Variants in C4orf51 observed in about 807,000 individuals in gnomAD.
C4orf51 encodes the protein chromosome 4 open reading frame 51, also known as uncharacterized protein C4orf51.
In C4orf51, 25 loss-of-function variants were observed where a neutral mutation model predicts 25.2. That is an observed-to-expected ratio of 0.99 (90% CI 0.72 to 1.39). The LOEUF (loss-of-function observed/expected upper bound fraction) is 1.39, where lower values mean the gene tolerates loss of function less well. Ranked by LOEUF, C4orf51 falls within the 40% of genes most tolerant of loss-of-function variation. C4orf51 has a pLI of 0.00. For missense variants in C4orf51, 252 were observed against 239.6 expected (o/e 1.05, Z -0.34); for synonymous variants, 100 against 84.5 (o/e 1.18, Z -1.01).
chr4:145,772,786 G>A (rs557217709), downstream of C4orf51, among the ~76,000 whole-genome samples: 1 of 152,336 alleles, frequency 6.6e-6, no homozygotes, highest in East Asian at 1.9e-4. Flanking sequence ...TCACTCTTGG[G>A]TGACTGTACT....
chr4:145,778,197 G>A, the C4orf51 span, among the ~76,000 whole-genome samples: 3 of 152,056 alleles, frequency 2.0e-5, no homozygotes, highest in Non-Finnish European at 4.4e-5. Context: ...GCAGTGGCAC[G>A]ATCTTGGCTC....
intron 1 of C4orf51, chr4:145,760,724 T>G: frequency 1.0e-6 from 1 of 954,004 alleles, no homozygotes; most frequent in Non-Finnish European, 1.3e-6. Flanking sequence ...TTTGTGGTTT[T>G]TTTTTTTTTT....
chr4:145,713,398 G>A (rs531387762), intron 2 of C4orf51, among the ~76,000 whole-genome samples: 8 of 152,146 alleles, frequency 5.3e-5, no homozygotes, highest in Admixed American at 2.6e-4. Context: ...GAAAATTAAC[G>A]GGAGTTTGGA....
chr4:145,741,836 A>G (rs1007996992), intron 1 of C4orf51, among the ~76,000 whole-genome samples: 2 of 151,974 alleles, frequency 1.3e-5, no homozygotes, highest in African/African-American at 2.4e-5. Flanking sequence ...AGCTGGGATT[A>G]CAGGCGCCTG....
chr4:145,751,725 T>G (rs1237791460), intron 1 of C4orf51, among the ~76,000 whole-genome samples: 1 of 152,188 alleles, frequency 6.6e-6, no homozygotes, highest in Non-Finnish European at 1.5e-5. Context: ...TCCTTTCAGG[T>G]CAGTGAGTTC....
Position 145,761,216 on chromosome 4 carries a change from G to C in C4orf51, n.167-9772G>C. 1 of 1,289,838 alleles carries C rather than the reference G, an allele frequency of 7.8e-7. No individual in the cohort carries two copies. Among genetic ancestry groups the C allele is most frequent in the African/African-American group, 1.5e-5 (1 of 65,996 alleles). The allele number at this position is 1,289,838 out of a possible 1,614,324, so 79.9% of individuals were successfully genotyped here. A position where few individuals can be genotyped will look rare whatever the true frequency, so the allele number is the denominator to read the frequency against. Reference sequence around the variant, plus strand: ...CCACTCTGGTGCTTCTTGACGTGGCGGCTGAAGACGAAAGGGTGTGTGGTC... The same window carrying C: ...CCACTCTGGTGCTTCTTGACGTGGCCGCTGAAGACGAAAGGGTGTGTGGTC... On this transcript the variant is annotated intron_variant and non_coding_transcript_variant, in intron 1 of 1. Coordinates refer to the C4orf51 transcript ENST00000510096. This position sits in a 1 kb window ranked among gnomAD's most constrained non-coding sequence, Gnocchi z 6.8.
At chr4:145,696,672 G>T in intron 2 of C4orf51, 40 bp downstream of exon 2, 1 of 1,450,912 alleles carries the variant, frequency 6.9e-7, no homozygotes, top group East Asian at 2.3e-5. Context: ...CAGCCCTTTT[G>T]CCAGGGTTGC....
intron 2 of C4orf51, among the ~76,000 whole-genome samples, chr4:145,700,108 G>A (rs530247091): frequency 1.1e-3 from 125 of 117,430 alleles, no homozygotes; most frequent in Non-Finnish European, 1.7e-3. Context: ...CCTTATTTCC[G>A]CACCCCAACC....
chr4:145,755,153 G>C (rs759101432), downstream of C4orf51, among the ~76,000 whole-genome samples: 1 of 152,168 alleles, frequency 6.6e-6, no homozygotes, highest in Non-Finnish European at 1.5e-5. Flanking sequence ...TAGAATCATA[G>C]TTGATTATAT....
At chr4:145,687,250 C>T (rs527925325) in intron 1 of C4orf51, among the ~76,000 whole-genome samples, 1 of 152,164 alleles carries the variant, frequency 6.6e-6, no homozygotes, top group African/African-American at 2.4e-5. Context: ...GAAGTTCCCT[C>T]CCCTCTTTGA....
intron 2 of C4orf51, among the ~76,000 whole-genome samples, chr4:145,702,473 C>G (rs1296479983): frequency 6.6e-6 from 1 of 152,160 alleles, no homozygotes; most frequent in Non-Finnish European, 1.5e-5. Flanking sequence ...CAGACAGCCC[C>G]CATTACTTCA....
intron 2 of C4orf51, among the ~76,000 whole-genome samples, chr4:145,722,351 A>G (rs1409582265): frequency 6.6e-6 from 1 of 152,206 alleles, no homozygotes; most frequent in Non-Finnish European, 1.5e-5. Context: ...AGTATATCCT[A>G]AATACTTCTG....
the C4orf51 span, among the ~76,000 whole-genome samples, chr4:145,779,680 C>T: frequency 1.3e-5 from 2 of 152,196 alleles, no homozygotes; most frequent in Non-Finnish European, 2.9e-5. Context: ...CTAAGAAGGC[C>T]GTTCTTGAAA....
At chr4:145,783,126 A>T in the C4orf51 span, among the ~76,000 whole-genome samples, 1 of 152,198 alleles carries the variant, frequency 6.6e-6, no homozygotes, top group Non-Finnish European at 1.5e-5. Context: ...AACGTGAAGC[A>T]GTACTCAGTC....
intron 2 of C4orf51, among the ~76,000 whole-genome samples, chr4:145,707,308 A>G (rs1316669304): frequency 5.3e-5 from 8 of 152,260 alleles, no homozygotes; most frequent in African/African-American, 1.9e-4. Context: ...CTTTGAATTC[A>G]ACAAAAATCA....
In C4orf51 at chr4:145,765,508, G is replaced by A. The variant is rs781610994; in HGVS notation, n.167-5480G>A. 2 of 1,573,166 alleles carry A rather than the reference G, an allele frequency of 1.3e-6. No homozygotes were observed. The highest frequency in any genetic ancestry group is 1.4e-5 in the African/African-American group (1 of 73,894). ...TTCTCAAGAATGGGTCATCCTGGGT[G>A]CGGAGGGTTGAGCAGGCTCACACCC... is the stretch of plus-strand genomic sequence containing the variant. On this transcript the variant is annotated intron_variant and non_coding_transcript_variant, in intron 1 of 1. Coordinates refer to the C4orf51 transcript ENST00000510096. The surrounding 1 kb of genome is among the most constrained non-coding windows in gnomAD (Gnocchi z 4.7).
chr4:145,769,246 G>C (rs1339946842), intron 1 of C4orf51, among the ~76,000 whole-genome samples: 4 of 150,066 alleles, frequency 2.7e-5, no homozygotes, highest in South Asian at 4.1e-4. Flanking sequence ...TTAGACTACA[G>C]ACTTCTCTCT....
chr4:145,682,879 G>C (rs1219379929), intron 1 of C4orf51, among the ~76,000 whole-genome samples: 2 of 152,062 alleles, frequency 1.3e-5, no homozygotes, highest in African/African-American at 4.8e-5. Context: ...AAATTATTAA[G>C]TCTTGATTCT....
rs914548973 is a variant in C4orf51 at position 145,761,135 on chromosome 4, C to T, written n.167-9853C>T. 7.0e-6 allele frequency: 9 copies of T among 1,289,544 alleles called. No homozygotes were observed. Among genetic ancestry groups the T allele is most frequent in the Admixed American group, 6.9e-5 (3 of 43,548 alleles). The allele number at this position is 1,289,544 out of a possible 1,614,324, so 79.9% of individuals were successfully genotyped here. A position where few individuals can be genotyped will look rare whatever the true frequency, so the allele number is the denominator to read the frequency against. ...ACCACCAGGAGCGGGGCCCCCGGGC[C>T]GGCCGGTTCCTTGGGGGCTGGACAC... is the stretch of plus-strand genomic sequence containing the variant. On this transcript the variant is annotated intron_variant and non_coding_transcript_variant, in intron 1 of 1. Transcript: ENST00000510096. This position sits in a 1 kb window ranked among gnomAD's most constrained non-coding sequence, Gnocchi z 6.8.
Sources: gnomAD v4.1 joint callset for allele counts (sites outside exome capture counted in the v4.1 genomes callset) on GRCh38, gnomAD v4.1.1 for gene constraint, Gnocchi (gnomAD v3.1) non-coding constraint, MANE v1.5 for transcripts, NCBI Gene and HGNC (gene_info 2026-07-23, HGNC 2026-07-21) for gene names.